Variants in SMPDL3A observed in about 807,000 individuals in gnomAD.
SMPDL3A encodes cyclic GMP-AMP phosphodiesterase SMPDL3A.
In SMPDL3A, 39 loss-of-function variants were observed where a neutral mutation model predicts 38.5. The ratio of observed to expected loss-of-function variants is 1.01; its 90% CI spans 0.78 to 1.32. The LOEUF is 1.32. SMPDL3A is among the 40% of genes most tolerant of loss of function. The pLI is 0.00. For synonymous variants in SMPDL3A, 180 were observed against 194.3 expected (o/e 0.93, Z 0.61); for missense variants, 502 against 536.2 (o/e 0.94, Z 0.63).
At chr6:122,807,084 G>GGC (rs1554248227) in intron 7 of SMPDL3A, among the ~76,000 whole-genome samples, 7 of 64,522 alleles carry the variant, frequency 1.1e-4, no homozygotes, top group African/African-American at 3.0e-4. Context: ...GTAGAGATGG[G>GGC]GGGGGGGGGT....
intron 3 of SMPDL3A, among the ~76,000 whole-genome samples, chr6:122,800,122 C>G (rs1032281154): frequency 6.6e-6 from 1 of 152,018 alleles, no homozygotes; most frequent in Admixed American, 6.6e-5. Flanking sequence ...GCATGAATCA[C>G]CATGCCCTGC....
intron 3 of SMPDL3A, among the ~76,000 whole-genome samples, chr6:122,799,755 G>A (rs1781365280): frequency 6.6e-6 from 1 of 152,124 alleles, no homozygotes; most frequent in Non-Finnish European, 1.5e-5. Flanking sequence ...TTAGACGCAT[G>A]TATCAAGAAC....
At position 122,795,780 on chromosome 6, in the gene SMPDL3A, C is replaced by T. The variant is rs147950292; in HGVS notation, c.216C>T (p.Asn72=). 2.2e-5 allele frequency: 35 copies of T among 1,613,972 alleles called. No individual in the cohort carries two copies. Among genetic ancestry groups the T allele is most frequent in the African/African-American group, 4.0e-5 (3 of 74,926 alleles). ...CASSKGANAS[N]PGPFGDVLCD... ...CATCTAAAGGTGCAAATGCCTCCAACCCTGGCCCTTTTGGAGATGTTCTGT... is the reference window on the plus strand; with the variant it reads ...CATCTAAAGGTGCAAATGCCTCCAATCCTGGCCCTTTTGGAGATGTTCTGT... Residue 72 remains asparagine (N), a synonymous_variant, in exon 2 of 8, where the codon AAC becomes AAT. Transcript: ENST00000368440.
At position 122,789,995 on chromosome 6, in the gene SMPDL3A, G is replaced by T. The variant is rs899981125; in HGVS notation, c.112+537G>T. 10 of 431,132 alleles carry T rather than the reference G, an allele frequency of 2.3e-5. No individual in the cohort carries two copies. In the Admixed American group the frequency reaches 3.8e-4, roughly 17 times the overall value. 26.7% of individuals were successfully genotyped at this position (431,132 alleles called of 1,614,324 possible). A position where few individuals can be genotyped will look rare whatever the true frequency, so the allele number is the denominator to read the frequency against. ...TCTGCCACTCACCCAGCCAGAGCGC[G>T]AAAGCACCCTCGGGTAGACTCACCC... On this transcript the variant is annotated intron_variant, in intron 1 of 7. Transcript: ENST00000368440.
intron 3 of SMPDL3A, among the ~76,000 whole-genome samples, chr6:122,798,529 C>T (rs1178041678): frequency 1.3e-5 from 2 of 152,156 alleles, no homozygotes; most frequent in Non-Finnish European, 2.9e-5. Flanking sequence ...CACTTAACCT[C>T]GCTGATGCAG....
At chr6:122,804,059 C>T (rs1781517638) in intron 5 of SMPDL3A, among the ~76,000 whole-genome samples, 1 of 151,168 alleles carries the variant, frequency 6.6e-6, no homozygotes, top group Admixed American at 6.6e-5. Context: ...GTGGTCTCGG[C>T]TCACTGCAAC....
At chr6:122,789,581 C>A in intron 1 of SMPDL3A, 123 bp downstream of exon 1, 2 of 944,604 alleles carry the variant, frequency 2.1e-6, no homozygotes, top group East Asian at 2.8e-5. Context: ...CTAGCGGGGC[C>A]CCTGACGCGT....
At position 122,806,245 on chromosome 6, in the gene SMPDL3A, ATTCT is replaced by A. The variant is rs753854097; in HGVS notation, c.935_938del (p.Ser312CysfsTer10). On this transcript the variant is annotated frameshift_variant, in exon 7 of 8. Coordinates refer to ENST00000368440, the MANE Select transcript of SMPDL3A (RefSeq NM_006714.5). LOFTEE classifies it high-confidence loss of function. ...ACGTTTTGTTCAGGAAGTCCAGTAA[ATTCT>A]TTGTTTGTGGCTCCTGCTGTTACAC... is the stretch of plus-strand genomic sequence containing the variant. 6.2e-7 allele frequency: 1 copy of A among 1,612,484 alleles called. No individual in the cohort carries two copies. The highest frequency in any genetic ancestry group is 1.7e-4 in the Middle Eastern group (1 of 6,056).
chr6:122,803,945 T>G (rs1781511814), intron 5 of SMPDL3A, 112 bp downstream of exon 5: 1 of 887,120 alleles, frequency 1.1e-6, no homozygotes, highest in Non-Finnish European at 1.7e-6. Context: ...TTTGAAGATT[T>G]TTTTTGCATA....
In SMPDL3A at chr6:122,804,957, A is replaced by T; in HGVS notation, c.787A>T (p.Asn263Tyr). The T allele has an allele frequency of 6.2e-7, 1 of 1,613,394 alleles. No homozygotes were observed. The highest frequency in any genetic ancestry group is 8.5e-7 in the Non-Finnish European group (1 of 1,179,814). The change falls in exon 6 of 8, where the codon AAC becomes TAC. Residue 263 changes from asparagine to tyrosine, a missense_variant. Transcript: ENST00000368440. ...AGTGGGGTATCTGCCATCTTCACAG[A>T]ACATCACAGCAATGAGAGAATACTA... The part of the protein sequence containing the change: ...VPVGYLPSSQ[N>Y]ITAMREYYNE...
chr6:122,791,719 A>T (rs964596414), intron 1 of SMPDL3A, among the ~76,000 whole-genome samples: 3 of 152,166 alleles, frequency 2.0e-5, no homozygotes, highest in Non-Finnish European at 4.4e-5. Context: ...ATTTTGAGAC[A>T]GTCTCGCCCT....
chr6:122,795,164 C>T (rs575843170), intron 1 of SMPDL3A, among the ~76,000 whole-genome samples: 17 of 151,346 alleles, frequency 1.1e-4, no homozygotes, highest in East Asian at 3.9e-4. Context: ...TTTTTTGAGA[C>T]GGAGTCTTGC....
At chr6:122,792,639 T>C (rs6929120) in intron 1 of SMPDL3A, among the ~76,000 whole-genome samples, 17,386 of 104,874 alleles carry the variant, frequency 0.17, 1,370 homozygotes, top group African/African-American at 0.26. Flanking sequence ...CTTCTTCCCC[T>C]TTTTTTTTTT....
rs1245864146 is a variant in SMPDL3A at position 122,805,677 on chromosome 6, G to T, written c.920-556G>T. Among the ~76,000 whole-genome samples, 3 of 152,082 alleles carry T rather than the reference G, an allele frequency of 2.0e-5. No individual in the cohort carries two copies. The East Asian group carries it at 5.8e-4, about 29-fold the overall frequency. On this transcript the variant is annotated intron_variant, in intron 6 of 7. Transcript: ENST00000368440. ...CCTCGCTCTGTTGCCAGGCTGGAGC[G>T]CACCCTGCGATCTCGGCTCACTGCA... is the stretch of plus-strand genomic sequence containing the variant.
rs772807312 is a variant in SMPDL3A, at chr6:122,801,385, GC to G, written c.548del (p.Ala183ValfsTer5). On this transcript the variant is annotated frameshift_variant, in exon 4 of 8. Transcript: ENST00000368440. LOFTEE classifies it high-confidence loss of function. ...NLWKPWLDEE[A>X]ISTLRKGGFY... ...CTGGAAACCATGGCTAGATGAAGAAGCTATTAGTACTTTAAGGAAAGGTAAG... is the reference window on the plus strand; with the variant it reads ...CTGGAAACCATGGCTAGATGAAGAAGTATTAGTACTTTAAGGAAAGGTAAG... The G allele has an allele frequency of 4.4e-6, 7 of 1,609,012 alleles. No homozygotes were observed. The highest frequency in any genetic ancestry group is 5.1e-6 in the Non-Finnish European group (6 of 1,175,472).
chr6:122,806,280 AAG>A lies in SMPDL3A; in HGVS notation c.970_971del (p.Ser324CysfsTer17), dbSNP rs1452669128. 6.2e-7 allele frequency: 1 copy of A among 1,613,314 alleles called. No homozygotes were observed. The highest frequency in any genetic ancestry group is 8.5e-7 in the Non-Finnish European group (1 of 1,179,538). On this transcript the variant is annotated frameshift_variant, in exon 7 of 8. Coordinates refer to ENST00000368440, the MANE Select transcript of SMPDL3A (RefSeq NM_006714.5). LOFTEE classifies it high-confidence loss of function. ...LFVAPAVTPV[K>X]SVLEKQTNNP... ...TGTGGCTCCTGCTGTTACACCAGTG[AAG>A]AGTGTTTTAGAAAAACAGACCAACA... is the stretch of plus-strand genomic sequence containing the variant.
chr6:122,805,840 G>T (rs936237993), intron 6 of SMPDL3A, among the ~76,000 whole-genome samples: 1 of 152,068 alleles, frequency 6.6e-6, no homozygotes, highest in African/African-American at 2.4e-5. Flanking sequence ...TGATCTGCCC[G>T]CCTCGGCCTC....
At chr6:122,806,799 T>G (rs1324443134) in intron 7 of SMPDL3A, among the ~76,000 whole-genome samples, 2 of 152,212 alleles carry the variant, frequency 1.3e-5, no homozygotes, top group Non-Finnish European at 2.9e-5. Flanking sequence ...AAAATATTAT[T>G]TAATTCACTG....
Position 122,789,303 on chromosome 6 carries a change from G to A in SMPDL3A, c.-44G>A, listed in dbSNP as rs565192248. ...CCTCAGGCCTGACGGTCCGAGTGGAGCTGCGGGACAGCCCGAACCTCCAGG... is the reference window on the plus strand; with the variant it reads ...CCTCAGGCCTGACGGTCCGAGTGGAACTGCGGGACAGCCCGAACCTCCAGG... On this transcript the variant is annotated 5_prime_UTR_variant, in exon 1 of 8. Transcript: ENST00000368440. 1.9e-4 allele frequency: 271 copies of A among 1,401,338 alleles called. No homozygotes were observed. In the Middle Eastern group the frequency reaches 2.4e-3, roughly 12 times the overall value. The allele number at this position is 1,401,338 out of a possible 1,614,324, so 86.8% of individuals were successfully genotyped here. A position where few individuals can be genotyped will look rare whatever the true frequency, so the allele number is the denominator to read the frequency against.
Sources: allele counts gnomAD v4.1 joint callset (sites outside exome capture counted in the v4.1 genomes callset), GRCh38; gene constraint gnomAD v4.1.1; transcripts MANE v1.5; gene names NCBI Gene and HGNC (gene_info 2026-07-23, HGNC 2026-07-21).